ECI1: variants seen among roughly 807,000 people sequenced by gnomAD.
ECI1 encodes the protein enoyl-CoA delta isomerase 1, also known as enoyl-CoA delta isomerase 1, mitochondrial.
ECI1 carries 34 observed loss-of-function variants against 34.2 expected under a neutral mutation model. The ratio of observed to expected loss-of-function variants is 1.00; its 90% CI spans 0.76 to 1.33. ECI1 has a LOEUF of 1.33. Ranked by LOEUF, ECI1 falls within the 40% of genes most tolerant of loss-of-function variation. The probability of loss-of-function intolerance (pLI) is 0.00; values close to 1 mark genes in which losing one functional copy is unlikely to be tolerated. For missense variants in ECI1, 456 were observed against 422.2 expected, an observed-to-expected ratio of 1.08 and a Z score of -0.70; for synonymous variants, 211 against 193.0, an observed-to-expected ratio of 1.09 and a Z score of -0.77.
intron 2 of ECI1, among the ~76,000 whole-genome samples, chr16:2,249,598 G>A (rs1384905158): frequency 6.6e-5 from 10 of 151,528 alleles, no homozygotes; most frequent in Admixed American, 1.3e-4. Context: ...TAAGCCGGGC[G>A]CGGTGGCTCA....
chr16:2,243,335 G>A lies in ECI1; in HGVS notation c.546C>T (p.Gly182=), dbSNP rs1210886633. 3.7e-6 allele frequency: 6 copies of A among 1,613,600 alleles called. No individual in the cohort carries two copies. The African/African-American group carries it at 8.0e-5, about 22-fold the overall frequency. Residue 182 remains glycine, a synonymous_variant, in exon 5 of 7, where the codon GGC becomes GGT. Coordinates refer to ENST00000301729, the MANE Select transcript of ECI1 (RefSeq NM_001919.4). ...GGCCTTACCAGAAAGGGGCGATGAT[G>A]CCCAGCTGGGTCTCATTGAGTCCTA... is the stretch of plus-strand genomic sequence containing the variant. The part of the protein sequence containing the change: ...YCIGLNETQL[G]IIAPFWLKDT...
At chr16:2,251,268 C>T (rs55650311) in intron 2 of ECI1, 48 bp downstream of exon 2, 145,659 of 964,100 alleles carry the variant, frequency 0.15, 12,479 homozygotes, top group Non-Finnish European at 0.17. Context: ...CGCGGACCCC[C>T]GCGGGTCCTG....
intron 6 of ECI1, 42 bp from the exon 7 acceptor site, chr16:2,240,187 G>C: frequency 6.2e-7 from 1 of 1,603,272 alleles, no homozygotes; most frequent in Non-Finnish European, 8.5e-7. Context: ...CACTTTCAGG[G>C]GCAGTGGGGT....
chr16:2,242,921 T>C, intron 6 of ECI1, 125 bp downstream of exon 6: 2 of 786,860 alleles, frequency 2.5e-6, no homozygotes, highest in South Asian at 3.0e-5. Context: ...AGCAGCCTCC[T>C]GACACCCACA....
intron 6 of ECI1, chr16:2,242,746 A>G (rs1050544912): frequency 8.3e-6 from 4 of 484,082 alleles, no homozygotes; most frequent in Admixed American, 3.4e-5. Flanking sequence ...CCACAAGCCC[A>G]GGGAGGCCTG....
intron 2 of ECI1, among the ~76,000 whole-genome samples, chr16:2,249,318 G>C (rs896883505): frequency 2.6e-5 from 4 of 151,794 alleles, no homozygotes; most frequent in African/African-American, 9.7e-5. Flanking sequence ...CAAAGTGCTG[G>C]GATTACAGGT....
Position 2,239,618 on chromosome 16 carries a change from C to CTGCCTT in ECI1, c.*360_*361insAAGGCA, listed in dbSNP as rs1481906442. ...TGGGGGCCAAGACCACCTGGCCTTA[C>CTGCCTT]ACCTAAGAGCAGGCAGTCCAAAGGC... On this transcript the variant is annotated 3_prime_UTR_variant, in exon 7 of 7. Coordinates refer to ENST00000301729, the MANE Select transcript of ECI1 (RefSeq NM_001919.4). 8 of 359,626 alleles carry CTGCCTT rather than the reference C, an allele frequency of 2.2e-5. No individual in the cohort carries two copies. The East Asian group carries it at 5.7e-4, about 26-fold the overall frequency. The allele number at this position is 359,626 out of a possible 1,614,324, so 22.3% of individuals were successfully genotyped here.
Position 2,243,026 on chromosome 16 carries a change from C to T in ECI1, c.742+20G>A, listed in dbSNP as rs146270927. Reference sequence around the variant, plus strand: ...GGTCTCCCCAGCATCATCGGGCGCCCGCCATGCCCCGTGCCTCACCTGGAA... The same window carrying T: ...GGTCTCCCCAGCATCATCGGGCGCCTGCCATGCCCCGTGCCTCACCTGGAA... On this transcript the variant is annotated intron_variant, in intron 6 of 6. Coordinates refer to ENST00000301729, the MANE Select transcript of ECI1 (RefSeq NM_001919.4). 941 of 1,593,954 alleles carry T rather than the reference C, an allele frequency of 5.9e-4. 13 individuals carry two copies. The East Asian group carries it at 0.019, about 32-fold the overall frequency.
chr16:2,244,824 G>A (rs2093536577), intron 3 of ECI1, among the ~76,000 whole-genome samples: 1 of 152,218 alleles, frequency 6.6e-6, no homozygotes, highest in East Asian at 1.9e-4. Flanking sequence ...ACCTCTCAGG[G>A]ACATAAGTGC....
intron 6 of ECI1, chr16:2,241,738 CTGG>C (rs2093528586): frequency 6.6e-6 from 1 of 152,046 alleles, no homozygotes; most frequent in African/African-American, 2.4e-5. Flanking sequence ...GTCACCCAGG[CTGG>C]GGTACAATGG....
At position 2,243,299 on chromosome 16, in the gene ECI1, C is replaced by T. The variant is rs1418859229; in HGVS notation, c.563+19G>A. 4 of 1,613,522 alleles carry T rather than the reference C, an allele frequency of 2.5e-6. No homozygotes were observed. The South Asian group carries it at 3.3e-5, about 13-fold the overall frequency. On this transcript the variant is annotated intron_variant, in intron 5 of 6. Coordinates refer to ENST00000301729, the MANE Select transcript of ECI1 (RefSeq NM_001919.4). Reference sequence around the variant, plus strand: ...CCTCCACAACAAGCATGGAGCGTGGCTGCAGCCCAGGGCCTTACCAGAAAG... The same window carrying T: ...CCTCCACAACAAGCATGGAGCGTGGTTGCAGCCCAGGGCCTTACCAGAAAG...
intron 2 of ECI1, among the ~76,000 whole-genome samples, chr16:2,250,006 T>C (rs1231041515): frequency 6.8e-6 from 1 of 146,976 alleles, no homozygotes; most frequent in Non-Finnish European, 1.5e-5. Context: ...AGGGAGCCTC[T>C]GTCTCAAAAA....
chr16:2,241,718 G>A (rs999951978), intron 6 of ECI1: 1 of 151,896 alleles, frequency 6.6e-6, no homozygotes, highest in Admixed American at 6.6e-5. Context: ...TTGAGACAGA[G>A]TCTCACTCTG....
Position 2,242,990 on chromosome 16 carries a change from G to A in ECI1, c.742+56C>T, listed in dbSNP as rs556783811. On this transcript the variant is annotated intron_variant, in intron 6 of 6. Coordinates refer to ENST00000301729, the MANE Select transcript of ECI1 (RefSeq NM_001919.4). ...GATGTCCACAGAAAACCTTTGGGTGGAGAACCTTCTGGTCTCCCCAGCATC... is the reference window on the plus strand; with the variant it reads ...GATGTCCACAGAAAACCTTTGGGTGAAGAACCTTCTGGTCTCCCCAGCATC... 48 of 1,400,050 alleles carry A rather than the reference G, an allele frequency of 3.4e-5. No individual in the cohort carries two copies. In the East Asian group the frequency reaches 5.9e-4, roughly 17 times the overall value. The allele number at this position is 1,400,050 out of a possible 1,614,324, so 86.7% of individuals were successfully genotyped here.
rs2093524362 is a variant in ECI1 at position 2,240,098 on chromosome 16, T to C, written c.790A>G (p.Ser264Gly). 4 of 1,613,800 alleles carry C rather than the reference T, an allele frequency of 2.5e-6. No homozygotes were observed. The African/African-American group carries it at 5.3e-5, about 22-fold the overall frequency. The change falls in exon 7 of 7, where the codon AGC (serine) becomes GGC (glycine). Residue 264 changes from serine (S) to glycine (G), a missense_variant. Transcript: ENST00000301729. ...TKAMMRKATA[S>G]RLVTQRDADV... ...GCATCGCGCTGCGTGACCAGGCGGCTGGCCGTGGCCTTTCGCATCATGGCC... is the reference window on the plus strand; with the variant it reads ...GCATCGCGCTGCGTGACCAGGCGGCCGGCCGTGGCCTTTCGCATCATGGCC...
chr16:2,245,662 T>TC (rs2093538681), intron 3 of ECI1, among the ~76,000 whole-genome samples: 1 of 151,940 alleles, frequency 6.6e-6, no homozygotes, highest in African/African-American at 2.4e-5. Context: ...GGCCAGGAGT[T>TC]CAAGACCAGC....
In ECI1 at chr16:2,240,035, A is replaced by C; in HGVS notation, c.853T>G (p.Ser285Ala). Residue 285 changes from serine to alanine, a missense_variant, in exon 7 of 7, where the codon TCC becomes GCC. Coordinates refer to ENST00000301729, the MANE Select transcript of ECI1 (RefSeq NM_001919.4). Reference protein sequence around the residue: ...QNFVSFISKDSIQKSLQMYLE... With the variant: ...QNFVSFISKDAIQKSLQMYLE... ...TACATCTGCAGGGACTTCTGGATGG[A>C]GTCTTTGGAGATGAAGCTGACGAAG... is the stretch of plus-strand genomic sequence containing the variant. 3 of 1,613,878 alleles carry C rather than the reference A, an allele frequency of 1.9e-6. No homozygotes were observed. The highest frequency in any genetic ancestry group is 2.5e-6 in the Non-Finnish European group (3 of 1,179,984).
At chr16:2,243,564 C>T in intron 4 of ECI1, 125 bp from the exon 5 acceptor site, 1 of 1,189,210 alleles carries the variant, frequency 8.4e-7, no homozygotes, top group Non-Finnish European at 1.2e-6. Context: ...GTTCAACACC[C>T]ACAATGGTCT....
rs543235817 is a variant in ECI1 at position 2,250,016 on chromosome 16, A to C, written c.166+1300T>G. On this transcript the variant is annotated intron_variant, in intron 2 of 6. Transcript: ENST00000301729. ...GACAGAGGGAGCCTCTGTCTCAAAAAAAAAAAAATAATAATTTTTTTTTTT... is the reference window on the plus strand; with the variant it reads ...GACAGAGGGAGCCTCTGTCTCAAAACAAAAAAAATAATAATTTTTTTTTTT... 3.4e-5 allele frequency among the ~76,000 whole-genome samples: 5 copies of C among 148,518 alleles called. No homozygotes were observed. The East Asian group carries it at 7.7e-4, about 23-fold the overall frequency.
Sources: gnomAD v4.1 joint callset for allele counts (sites outside exome capture counted in the v4.1 genomes callset) on GRCh38, gnomAD v4.1.1 for gene constraint, MANE v1.5 for transcripts, NCBI Gene and HGNC (gene_info 2026-07-23, HGNC 2026-07-21) for gene names.